SLA: variants seen among roughly 807,000 people sequenced by gnomAD.
SLA encodes Src like adaptor.
A neutral mutation model predicts 30.3 loss-of-function variants in SLA; 16 were observed. That is an observed-to-expected ratio of 0.53 (90% CI 0.36 to 0.80). The LOEUF is 0.80. Among genes scored for constraint, SLA ranks in the 30% least tolerant of loss-of-function variants. The pLI is 0.01. For synonymous variants in SLA, 143 were observed against 137.8 expected (o/e 1.04, Z -0.26); for missense variants, 310 against 345.2 (o/e 0.90, Z 0.81).
At chr8:133,068,135 G>C (rs1471930627) in intron 2 of SLA, among the ~76,000 whole-genome samples, 1 of 152,168 alleles carries the variant, frequency 6.6e-6, no homozygotes, top group Non-Finnish European at 1.5e-5. Flanking sequence ...ACTCTCACAG[G>C]ACAAGGGAAA....
intron 1 of SLA, among the ~76,000 whole-genome samples, chr8:133,090,618 A>T (rs1220351455): frequency 6.6e-6 from 1 of 152,232 alleles, no homozygotes; most frequent in Non-Finnish European, 1.5e-5. Flanking sequence ...CATGGATAAT[A>T]ACATTCCTAA....
rs1324402367 is a variant in SLA, at chr8:133,050,316, G to T, written c.162-328C>A. ...TTACTATGTTGATTTATGCTCTGCA[G>T]TATAGCCAAAGATAGTTTCATATAT... On this transcript the variant is annotated intron_variant, in intron 4 of 8. Transcript: ENST00000338087. 6 of 362,396 alleles carry T rather than the reference G, an allele frequency of 1.7e-5. No individual in the cohort carries two copies. In the East Asian group the frequency reaches 3.2e-4, roughly 20 times the overall value. The allele number at this position is 362,396 out of a possible 1,614,324, so 22.4% of individuals were successfully genotyped here.
At position 133,038,482 on chromosome 8, in the gene SLA, C is replaced by T. The variant is rs200196096; in HGVS notation, c.*42G>A. Reference sequence around the variant, plus strand: ...GCAAGATCCCAGGCAATAGTTGGAACTTCTGTTCCTTTTGGGCATGAACCA... The same window carrying T: ...GCAAGATCCCAGGCAATAGTTGGAATTTCTGTTCCTTTTGGGCATGAACCA... On this transcript the variant is annotated 3_prime_UTR_variant, in exon 9 of 9. Coordinates refer to ENST00000338087, the MANE Select transcript of SLA (RefSeq NM_001045556.3). 7.4e-5 allele frequency: 109 copies of T among 1,472,434 alleles called. 1 individual carries two copies. The East Asian group carries it at 2.5e-3, about 33-fold the overall frequency. 91.2% of individuals were successfully genotyped at this position (1,472,434 alleles called of 1,614,324 possible). A position where few individuals can be genotyped will look rare whatever the true frequency, so the allele number is the denominator to read the frequency against.
At chr8:133,071,136 G>A (rs1039440297) in intron 2 of SLA, among the ~76,000 whole-genome samples, 5 of 152,170 alleles carry the variant, frequency 3.3e-5, no homozygotes, top group East Asian at 1.9e-4. Context: ...ATGAGGCTTC[G>A]TGTACAACAA....
chr8:133,050,139 T>A (rs1587885492), intron 4 of SLA, 151 bp from the exon 5 acceptor site: 7 of 658,560 alleles, frequency 1.1e-5, no homozygotes, highest in Non-Finnish European at 1.9e-5. Context: ...TATTTCGTCA[T>A]CTGAAAATTT....
At chr8:133,057,902 C>G (rs1386239332) in intron 3 of SLA, among the ~76,000 whole-genome samples, 1 of 152,166 alleles carries the variant, frequency 6.6e-6, no homozygotes, top group African/African-American at 2.4e-5. Flanking sequence ...CCAGGCTGGC[C>G]TCTGGGTGAT....
chr8:133,059,856 T>A (rs1425721129), intron 3 of SLA, among the ~76,000 whole-genome samples: 2 of 152,212 alleles, frequency 1.3e-5, no homozygotes, highest in African/African-American at 4.8e-5. Context: ...AACCAGCTGA[T>A]CTTGGAGATC....
At chr8:133,089,177 C>G (rs1847100432) in intron 1 of SLA, among the ~76,000 whole-genome samples, 1 of 152,224 alleles carries the variant, frequency 6.6e-6, no homozygotes, top group South Asian at 2.1e-4. Context: ...CTCAGATGCT[C>G]CCCACTCCAG....
At chr8:133,044,155 C>T (rs1230825785) in intron 7 of SLA, among the ~76,000 whole-genome samples, 1 of 152,182 alleles carries the variant, frequency 6.6e-6, no homozygotes, top group Non-Finnish European at 1.5e-5. Flanking sequence ...AACAGAGCTT[C>T]CTGAGTGGGT....
At chr8:133,066,967 G>A (rs1260898108) in intron 2 of SLA, among the ~76,000 whole-genome samples, 1 of 152,178 alleles carries the variant, frequency 6.6e-6, no homozygotes, top group Non-Finnish European at 1.5e-5. Context: ...AAAGGGTTGG[G>A]CTGAACAGTT....
intron 1 of SLA, among the ~76,000 whole-genome samples, chr8:133,081,323 T>G (rs1449049810): frequency 6.6e-6 from 1 of 152,248 alleles, no homozygotes; most frequent in Non-Finnish European, 1.5e-5. Flanking sequence ...AGGTTGTGCC[T>G]TTTGAATTAA....
At chr8:133,042,266 C>G (rs1373933272) in intron 7 of SLA, among the ~76,000 whole-genome samples, 2 of 152,170 alleles carry the variant, frequency 1.3e-5, no homozygotes, top group East Asian at 3.9e-4. Context: ...GTTCAGACCC[C>G]CTGGTCTAAT....
chr8:133,047,976 TCC>T, intron 5 of SLA, 43 bp from the exon 6 acceptor site: 2 of 1,280,436 alleles, frequency 1.6e-6, no homozygotes, highest in Non-Finnish European at 2.3e-6. Flanking sequence ...GAACAAGCCC[TCC>T]CCCAGGAAAG....
At chr8:133,049,823 G>T in intron 5 of SLA, 79 bp downstream of exon 5, 2 of 965,884 alleles carry the variant, frequency 2.1e-6, no homozygotes, top group Non-Finnish European at 3.4e-6. Context: ...CACTATGAAT[G>T]CTGGAATCTT....
intron 7 of SLA, among the ~76,000 whole-genome samples, chr8:133,044,497 G>A (rs749896124): frequency 4.6e-5 from 7 of 152,250 alleles, no homozygotes; most frequent in South Asian, 2.1e-4. Flanking sequence ...AAGCATGATC[G>A]GAATGCTGGG....
In SLA at chr8:133,041,363, G is replaced by A. The variant is rs1326593235; in HGVS notation, c.485-1233C>T. On this transcript the variant is annotated intron_variant, in intron 7 of 8. Coordinates refer to ENST00000338087, the MANE Select transcript of SLA (RefSeq NM_001045556.3). ...AGCACACTCAGTCTGTCACAGGGCG[G>A]GCAAGCCAGGAAGACCTCGTTTCAT... Among the ~76,000 whole-genome samples, 5 of 152,220 alleles carry A rather than the reference G, an allele frequency of 3.3e-5. No individual in the cohort carries two copies. The East Asian group carries it at 7.7e-4, about 23-fold the overall frequency.
At chr8:133,097,231 G>A (rs1848562639) in intron 1 of SLA, among the ~76,000 whole-genome samples, 1 of 152,220 alleles carries the variant, frequency 6.6e-6, no homozygotes, top group African/African-American at 2.4e-5. Context: ...CAACCAAACA[G>A]GATCCTGAGT....
intron 1 of SLA, chr8:133,096,487 G>A: frequency 1.5e-6 from 2 of 1,295,330 alleles, no homozygotes; most frequent in Non-Finnish European, 2.2e-6. Context: ...ACTACTGTGT[G>A]CAATGCCTAT....
At chr8:133,050,944 G>A (rs775242328) in intron 3 of SLA, 29 bp from the exon 4 acceptor site, 13 of 1,361,540 alleles carry the variant, frequency 9.5e-6, no homozygotes, top group Non-Finnish European at 1.3e-5. Context: ...GGGGGAAGGG[G>A]GCAAGGTGCT....
Sources: allele counts gnomAD v4.1 joint callset (sites outside exome capture counted in the v4.1 genomes callset), GRCh38; gene constraint gnomAD v4.1.1; transcripts MANE v1.5; gene names NCBI Gene and HGNC (gene_info 2026-07-23, HGNC 2026-07-21).